Variants in ZC3H3 observed in about 807,000 individuals in gnomAD.
ZC3H3 encodes the protein zinc finger CCCH-type containing 3.
Under a neutral mutation model 77.3 loss-of-function variants are expected in ZC3H3, and 36 were observed. The observed-to-expected ratio is 0.47, with a 90% CI of 0.36 to 0.61. The LOEUF is 0.61. Among genes scored for constraint, ZC3H3 ranks in the 20% least tolerant of loss-of-function variants. The probability of loss-of-function intolerance (pLI) is 0.00; values close to 1 mark genes in which losing one functional copy is unlikely to be tolerated. For synonymous variants in ZC3H3, 626 were observed against 555.2 expected (o/e 1.13, Z -1.79); for missense variants, 1,331 against 1,312.2 (o/e 1.01, Z -0.22).
intron 9 of ZC3H3, among the ~76,000 whole-genome samples, 197 bp from the exon 10 acceptor site, chr8:143,441,317 C>A (rs945572849): frequency 1.3e-5 from 2 of 152,216 alleles, no homozygotes; most frequent in African/African-American, 4.8e-5. Flanking sequence ...CCCTCACCCA[C>A]CCACAAGAGG....
intron 4 of ZC3H3, among the ~76,000 whole-genome samples, chr8:143,485,591 C>A (rs1216636404): frequency 6.6e-6 from 1 of 152,242 alleles, no homozygotes; most frequent in African/African-American, 2.4e-5. Flanking sequence ...AATAGCCAAG[C>A]TTCTAGAAGA....
chr8:143,476,937 C>T (rs1280692954), intron 4 of ZC3H3, among the ~76,000 whole-genome samples: 1 of 152,232 alleles, frequency 6.6e-6, no homozygotes, highest in Non-Finnish European at 1.5e-5. Flanking sequence ...CCCAGGCCCG[C>T]AGCATGCATG....
intron 4 of ZC3H3, among the ~76,000 whole-genome samples, chr8:143,500,810 C>A (rs1227687105): frequency 1.7e-5 from 2 of 116,156 alleles, no homozygotes; most frequent in Admixed American, 2.2e-4. Context: ...CGTCACGTCA[C>A]AATGTCTATT....
intron 3 of ZC3H3, among the ~76,000 whole-genome samples, chr8:143,516,983 GCTCT>G (rs1469168988): frequency 2.6e-5 from 4 of 152,206 alleles, no homozygotes; most frequent in East Asian, 1.9e-4. Flanking sequence ...TGGGATCCGT[GCTCT>G]CTGTTGTTCC....
At chr8:143,496,781 G>A (rs2129986420) in intron 4 of ZC3H3, among the ~76,000 whole-genome samples, 1 of 152,374 alleles carries the variant, frequency 6.6e-6, no homozygotes, top group South Asian at 2.1e-4. Context: ...CCAGCGGTCA[G>A]GCCAACACTG....
At chr8:143,475,689 A>G in intron 4 of ZC3H3, 104 bp from the exon 5 acceptor site, 10 of 1,338,604 alleles carry the variant, frequency 7.5e-6, no homozygotes, top group Non-Finnish European at 1.0e-5. Context: ...CAAGGGGGAC[A>G]GGGAGCAGCA....
intron 9 of ZC3H3, among the ~76,000 whole-genome samples, chr8:143,446,123 C>T (rs985794786): frequency 6.6e-6 from 1 of 152,076 alleles, no homozygotes; most frequent in African/African-American, 2.4e-5. Flanking sequence ...CGAGGCCAGG[C>T]GCTGTGGCAA....
chr8:143,469,085 C>A (rs530160498), intron 5 of ZC3H3, among the ~76,000 whole-genome samples: 10 of 152,356 alleles, frequency 6.6e-5, no homozygotes, highest in South Asian at 2.1e-4. Flanking sequence ...TTCCTCATGT[C>A]CCTGGGTGCC....
At chr8:143,465,581 G>C (rs1388170904) in intron 9 of ZC3H3, 136 bp downstream of exon 9, 1 of 1,346,612 alleles carries the variant, frequency 7.4e-7, no homozygotes, top group African/African-American at 1.4e-5. Flanking sequence ...AGTCACCTGT[G>C]AGGTGGACGT....
At chr8:143,497,102 A>G (rs1821373425) in intron 4 of ZC3H3, among the ~76,000 whole-genome samples, 1 of 152,260 alleles carries the variant, frequency 6.6e-6, no homozygotes, top group Admixed American at 6.5e-5. Context: ...GGTGAGTTTC[A>G]GTAAGGAAGT....
At chr8:143,451,383 C>T (rs1819983271) in intron 9 of ZC3H3, among the ~76,000 whole-genome samples, 1 of 151,896 alleles carries the variant, frequency 6.6e-6, no homozygotes, top group Non-Finnish European at 1.5e-5. Flanking sequence ...TGAGAAAACG[C>T]AAATTAAATA....
chr8:143,473,028 T>C (rs1024729470), intron 5 of ZC3H3, among the ~76,000 whole-genome samples: 4 of 152,214 alleles, frequency 2.6e-5, no homozygotes, highest in Non-Finnish European at 4.4e-5. Context: ...AGGAGCAGCC[T>C]CTGCTGCCTA....
chr8:143,526,780 C>T (rs914266358), intron 3 of ZC3H3, among the ~76,000 whole-genome samples: 2 of 152,272 alleles, frequency 1.3e-5, no homozygotes, highest in African/African-American at 4.8e-5. Context: ...AGGCCACATT[C>T]GTCCCCAGCT....
intron 3 of ZC3H3, among the ~76,000 whole-genome samples, chr8:143,518,311 G>A (rs1822126955): frequency 6.6e-6 from 1 of 152,226 alleles, no homozygotes; most frequent in Admixed American, 6.5e-5. Context: ...GGATCCCAAG[G>A]TCAGTGGAAC....
intron 9 of ZC3H3, among the ~76,000 whole-genome samples, chr8:143,454,495 T>C (rs1339174982): frequency 6.6e-6 from 1 of 150,624 alleles, no homozygotes; most frequent in African/African-American, 2.5e-5. Flanking sequence ...AAGCTCCGCC[T>C]CCCGGGTTCA....
intron 9 of ZC3H3, among the ~76,000 whole-genome samples, chr8:143,456,787 G>A (rs1461579984): frequency 2.0e-5 from 3 of 152,150 alleles, no homozygotes; most frequent in African/African-American, 4.8e-5. Flanking sequence ...AGGATCGCTG[G>A]AGCTCAGGAG....
Position 143,538,284 on chromosome 8 carries a change from G to C in ZC3H3, c.1083C>G (p.Pro361=). 6.2e-7 allele frequency: 1 copy of C among 1,612,952 alleles called. No individual in the cohort carries two copies. Among genetic ancestry groups the C allele is most frequent in the Non-Finnish European group, 8.5e-7 (1 of 1,180,020 alleles). ...PQLIADPEPK[P]RKPATSSKPG... is the part of the protein sequence containing the mutation. ...GCTTGGAGGACGTGGCTGGCTTCCT[G>C]GGCTTGGGCTCTGGGTCAGCTATGA... The change falls in exon 2 of 12, where the codon CCC becomes CCG. Residue 361 remains proline, a synonymous_variant. Transcript: ENST00000262577.
At chr8:143,464,496 G>A (rs953385054) in intron 9 of ZC3H3, among the ~76,000 whole-genome samples, 1 of 152,180 alleles carries the variant, frequency 6.6e-6, no homozygotes, top group African/African-American at 2.4e-5. Context: ...GAGGATGAGG[G>A]AGAGGATGCT....
intron 4 of ZC3H3, among the ~76,000 whole-genome samples, chr8:143,500,209 G>A (rs1821484637): frequency 6.6e-6 from 1 of 152,234 alleles, no homozygotes; most frequent in African/African-American, 2.4e-5. Context: ...TCTGTTGTCT[G>A]CTTGCTTCCT....
Sources: gnomAD v4.1 joint callset for allele counts (sites outside exome capture counted in the v4.1 genomes callset) on GRCh38, gnomAD v4.1.1 for gene constraint, MANE v1.5 for transcripts, NCBI Gene and HGNC (gene_info 2026-07-23, HGNC 2026-07-21) for gene names.